The following FAM83B variants were observed in gnomAD, a reference collection of about 807,000 sequenced individuals.
FAM83B encodes protein FAM83B.
Under a neutral mutation model 38.8 loss-of-function variants are expected in FAM83B, and 26 were observed. The ratio of observed to expected loss-of-function variants is 0.67; its 90% CI spans 0.49 to 0.93. The LOEUF (loss-of-function observed/expected upper bound fraction) is 0.93, where lower values mean the gene tolerates loss of function less well. Ranked by LOEUF, FAM83B falls within the 40% of genes least tolerant of loss-of-function variation. The pLI, the probability that FAM83B is intolerant of heterozygous loss-of-function variation, is 0.00. For missense variants in FAM83B, 1,237 were observed against 1,197.3 expected (o/e 1.03, Z -0.49); for synonymous variants, 419 against 423.1 (o/e 0.99, Z 0.12).
chr6:54,876,205 A>G (rs1443169097), intron 2 of FAM83B, among the ~76,000 whole-genome samples: 1 of 149,906 alleles, frequency 6.7e-6, no homozygotes, highest in Non-Finnish European at 1.5e-5. Context: ...GAGTCTTTGC[A>G]TTGCTAATAC....
chr6:54,903,360 A>G (rs1772706356), intron 2 of FAM83B, among the ~76,000 whole-genome samples: 1 of 152,162 alleles, frequency 6.6e-6, no homozygotes, highest in Admixed American at 6.5e-5. Context: ...TTGGTCACCT[A>G]CTCACTGTAA....
At position 54,934,070 on chromosome 6, in the gene FAM83B, G is replaced by T. The variant is rs139919972; in HGVS notation, c.735-5636G>T. ...AATTGGTCGCTAGCATTTCACAGAG[G>T]TCTTCTGTTTCACATATTGTTGTTA... is the stretch of plus-strand genomic sequence containing the variant. On this transcript the variant is annotated intron_variant, in intron 4 of 4. Transcript: ENST00000306858. 3.0e-3 allele frequency among the ~76,000 whole-genome samples: 453 copies of T among 152,228 alleles called. 2 individuals are homozygous for T. The highest frequency in any genetic ancestry group is 1.0e-2 in the African/African-American group (414 of 41,550).
In FAM83B at chr6:54,870,428, T is replaced by A; in HGVS notation, c.182T>A (p.Ile61Asn). 1.9e-6 allele frequency: 3 copies of A among 1,613,972 alleles called. No individual in the cohort carries two copies. Among genetic ancestry groups the A allele is most frequent in the Non-Finnish European group, 2.5e-6 (3 of 1,179,940 alleles). ...TCAGACTTTCTTGCTGAGGAAGAAA[T>A]TAATTATATTTTGAAAAATGTCCAG... ...RVSDFLAEEEINYILKNVQKV... is the reference protein window; with the variant it reads ...RVSDFLAEEENNYILKNVQKV... The change falls in exon 2 of 5, where the codon ATT becomes AAT. Residue 61 changes from isoleucine to asparagine, a missense_variant. By Grantham distance (149) the Ile-to-Asn change is moderately radical (BLOSUM62 -3). Coordinates refer to ENST00000306858, the MANE Select transcript of FAM83B (RefSeq NM_001010872.3).
chr6:54,858,589 A>G lies in FAM83B; in HGVS notation c.-60-11598A>G, dbSNP rs1771500511. On this transcript the variant is annotated intron_variant, in intron 1 of 4. Transcript: ENST00000306858. Reference sequence around the variant, plus strand: ...CAATTAATCTTTTCTTGCTATTGAAATAAGTTTATATAATAACAAAACTGA... The same window carrying G: ...CAATTAATCTTTTCTTGCTATTGAAGTAAGTTTATATAATAACAAAACTGA... Among the ~76,000 whole-genome samples, 7 of 152,346 alleles carry G rather than the reference A, an allele frequency of 4.6e-5. No individual in the cohort carries two copies. The South Asian group carries it at 1.5e-3, about 32-fold the overall frequency.
At chr6:54,888,934 A>T (rs905609433) in intron 2 of FAM83B, among the ~76,000 whole-genome samples, 3 of 151,824 alleles carry the variant, frequency 2.0e-5, no homozygotes, top group Non-Finnish European at 4.4e-5. Flanking sequence ...GCTATCTCTC[A>T]TTCATTTTTG....
intron 2 of FAM83B, among the ~76,000 whole-genome samples, chr6:54,898,321 G>C (rs541073980): frequency 4.8e-4 from 73 of 152,306 alleles, no homozygotes; most frequent in African/African-American, 1.6e-3. Context: ...AGGAATAACA[G>C]AATTTCCTGG....
rs1055806946 is a variant in FAM83B, at chr6:54,927,624, T to C, written c.726T>C (p.Gly242=). ...TTGACTGCCAGAAAGTGATGTACGG[T>C]TCTTACAGGTAAGATCATTGTGTTT... ...LLVDCQKVMY[G]SYSYMWSFEK... is the part of the protein sequence containing the mutation. Residue 242 remains glycine (G), a synonymous_variant, in exon 4 of 5, where the codon GGT becomes GGC. Coordinates refer to ENST00000306858, the MANE Select transcript of FAM83B (RefSeq NM_001010872.3). 2 of 1,598,850 alleles carry C rather than the reference T, an allele frequency of 1.3e-6. No homozygotes were observed. Among genetic ancestry groups the C allele is most frequent in the South Asian group, 2.3e-5 (2 of 88,220 alleles).
intron 2 of FAM83B, among the ~76,000 whole-genome samples, chr6:54,886,661 C>T (rs1207585270): frequency 6.6e-6 from 1 of 151,662 alleles, no homozygotes; most frequent in African/African-American, 2.4e-5. Context: ...TGTTCTTTTT[C>T]GTGACTAGTT....
At chr6:54,933,472 T>G (rs922533501) in intron 4 of FAM83B, among the ~76,000 whole-genome samples, 6 of 152,056 alleles carry the variant, frequency 3.9e-5, no homozygotes, top group African/African-American at 1.2e-4. Flanking sequence ...TCAGGCAGCT[T>G]ATAGATCTGT....
In FAM83B at chr6:54,935,153, C is replaced by T. The variant is rs532774104; in HGVS notation, c.735-4553C>T. On this transcript the variant is annotated intron_variant, in intron 4 of 4. Coordinates refer to ENST00000306858, the MANE Select transcript of FAM83B (RefSeq NM_001010872.3). ...AGTCTTGATTTTGAAACTAATAGTT[C>T]ATTTATATTATCATTTGTTTATTTA... 1.2e-4 allele frequency among the ~76,000 whole-genome samples: 18 copies of T among 152,164 alleles called. No homozygotes were observed. In the South Asian group the frequency reaches 3.5e-3, roughly 30 times the overall value.
chr6:54,887,977 T>A (rs1344286067), intron 2 of FAM83B, among the ~76,000 whole-genome samples: 1 of 151,294 alleles, frequency 6.6e-6, no homozygotes, highest in African/African-American at 2.4e-5. Flanking sequence ...TAATTACTGA[T>A]TTCTTTTACT....
chr6:54,896,781 C>T (rs1364468226), intron 2 of FAM83B, among the ~76,000 whole-genome samples: 1 of 152,032 alleles, frequency 6.6e-6, no homozygotes, highest in Non-Finnish European at 1.5e-5. Flanking sequence ...ATAGTATTTT[C>T]CATTTAAAGT....
At chr6:54,905,328 C>T (rs1772754030) in intron 2 of FAM83B, among the ~76,000 whole-genome samples, 2 of 151,908 alleles carry the variant, frequency 1.3e-5, no homozygotes, top group Admixed American at 6.6e-5. Context: ...AGTACGTGTG[C>T]GATTGTGCTG....
chr6:54,876,486 G>A (rs1007000597), intron 2 of FAM83B, among the ~76,000 whole-genome samples: 8 of 150,726 alleles, frequency 5.3e-5, no homozygotes, highest in Non-Finnish European at 1.0e-4. Flanking sequence ...CACCACGCCC[G>A]GCTCATTTTT....
At chr6:54,932,672 C>T (rs1039556463) in intron 4 of FAM83B, among the ~76,000 whole-genome samples, 5 of 76,374 alleles carry the variant, frequency 6.5e-5, no homozygotes, top group African/African-American at 9.2e-5. Context: ...TAGTAGTGAA[C>T]TCCCTCATTT....
In FAM83B at chr6:54,939,885, C is replaced by G; in HGVS notation, c.914C>G (p.Thr305Ser). The part of the protein sequence containing the change: ...KHGKALWENG[T>S]YQHSVSSLAS... ...GGAAAAGCCCTCTGGGAAAATGGCACTTACCAGCATTCGGTGTCTTCATTA... is the reference window on the plus strand; with the variant it reads ...GGAAAAGCCCTCTGGGAAAATGGCAGTTACCAGCATTCGGTGTCTTCATTA... The change falls in exon 5 of 5, where the codon ACT becomes AGT. Residue 305 changes from threonine (T) to serine (S), a missense_variant. Thr to Ser is a moderately conservative substitution (Grantham distance 58). Transcript: ENST00000306858. 6.2e-7 allele frequency: 1 copy of G among 1,614,006 alleles called. No individual in the cohort carries two copies. Among genetic ancestry groups the G allele is most frequent in the Non-Finnish European group, 8.5e-7 (1 of 1,179,976 alleles).
chr6:54,861,337 T>C lies in FAM83B; in HGVS notation c.-60-8850T>C, dbSNP rs1012651608. 3.3e-5 allele frequency among the ~76,000 whole-genome samples: 5 copies of C among 152,324 alleles called. 1 individual carries two copies. The highest frequency in any genetic ancestry group is 3.3e-4 in the Admixed American group (5 of 15,298). The stretch of plus-strand genomic sequence containing the variant: ...TGGGAAGCCAAGATGAATGGATTAC[T>C]TGAGCCCAGGAGTTTGAGACCAGCC... On this transcript the variant is annotated intron_variant, in intron 1 of 4. Transcript: ENST00000306858.
intron 2 of FAM83B, among the ~76,000 whole-genome samples, chr6:54,915,997 A>G (rs1033503333): frequency 1.3e-5 from 2 of 151,996 alleles, no homozygotes; most frequent in African/African-American, 2.4e-5. Context: ...TCCCTCCACA[A>G]TTGACCAAAT....
At chr6:54,937,558 A>G (rs1405909949) in intron 4 of FAM83B, among the ~76,000 whole-genome samples, 4 of 152,084 alleles carry the variant, frequency 2.6e-5, no homozygotes, top group African/African-American at 9.7e-5. Flanking sequence ...AGTAAACCAC[A>G]GAGATAACAG....
Sources: allele counts gnomAD v4.1 joint callset (sites outside exome capture counted in the v4.1 genomes callset), GRCh38; gene constraint gnomAD v4.1.1; transcripts MANE v1.5; gene names NCBI Gene and HGNC (gene_info 2026-07-23, HGNC 2026-07-21).